The following GATM variants were observed in gnomAD, a reference collection of about 807,000 sequenced individuals.
The protein encoded by GATM is glycine amidinotransferase, mitochondrial.
In GATM, 23 loss-of-function variants were observed where a neutral mutation model predicts 54.2. That is an observed-to-expected ratio of 0.42 (90% CI 0.31 to 0.60). The LOEUF (loss-of-function observed/expected upper bound fraction) is 0.60. Ranked by LOEUF, GATM falls within the 20% of genes least tolerant of loss-of-function variation. The probability of loss-of-function intolerance (pLI) is 0.14; values close to 1 mark genes in which losing one functional copy is unlikely to be tolerated. For synonymous variants in GATM, 168 were observed against 183.1 expected, an observed-to-expected ratio of 0.92 and a Z score of 0.67; for missense variants, 401 against 544.9, an observed-to-expected ratio of 0.74 and a Z score of 2.63.
intron 4 of GATM, 128 bp from the exon 5 acceptor site, chr15:45,366,636 A>C (rs1889453398): frequency 2.0e-6 from 2 of 1,023,466 alleles, no homozygotes; most frequent in Non-Finnish European, 2.9e-6. Context: ...TCTAGACTAA[A>C]ACATGCCTGG....
Position 45,362,201 on chromosome 15 carries a change from T to G in GATM, c.1180A>C (p.Asn394His). ...CCCAGGGAATTGGCATTACGAATGTTAACTTTAATGGTAGTGATACCTGCA... is the reference window on the plus strand; with the variant it reads ...CCCAGGGAATTGGCATTACGAATGTGAACTTTAATGGTAGTGATACCTGCA... ...EKLGITTIKV[N>H]IRNANSLGGG... Residue 394 changes from asparagine (N) to histidine (H), a missense_variant, in exon 9 of 9, where the codon AAC becomes CAC. Physicochemically the swap from Asn to His is moderately conservative, Grantham distance 68 (BLOSUM62 1). This residue lies in a region of GATM where 321 missense variants were observed against 457.5 expected (regional missense o/e 0.70). Coordinates refer to ENST00000396659, the MANE Select transcript of GATM (RefSeq NM_001482.3). The G allele has an allele frequency of 6.2e-7, 1 of 1,611,040 alleles. No homozygotes were observed. Among genetic ancestry groups the G allele is most frequent in the Non-Finnish European group, 8.5e-7 (1 of 1,177,252 alleles).
chr15:45,365,357 T>C (rs1188070099), intron 6 of GATM, among the ~76,000 whole-genome samples: 1 of 152,198 alleles, frequency 6.6e-6, no homozygotes, highest in Non-Finnish European at 1.5e-5. Context: ...CGTCCCTGTG[T>C]TCACATACCC....
In GATM at chr15:45,368,047, C is replaced by T. The variant is rs377171332; in HGVS notation, c.675+23G>A. On this transcript the variant is annotated intron_variant, in intron 4 of 8. Coordinates refer to ENST00000396659, the MANE Select transcript of GATM (RefSeq NM_001482.3). This position sits in a 1 kb window ranked among gnomAD's most constrained non-coding sequence, Gnocchi z 5.1. The stretch of plus-strand genomic sequence containing the variant: ...ATCATTTAGAAAAGTTAGTAATAAG[C>T]TAGCCTATAATTAGGGACTCACCTG... 2 of 1,606,302 alleles carry T rather than the reference C, an allele frequency of 1.2e-6. No homozygotes were observed. The highest frequency in any genetic ancestry group is 1.7e-6 in the Non-Finnish European group (2 of 1,173,292).
At position 45,399,433 on chromosome 15, in the gene GATM, T is replaced by G. The variant is rs559794939; in HGVS notation, c.-480+113A>C. ...TTGGGAGGTGATTAGGTCACGAGAG[T>G]GGAGCCCTCATGAATGGGATTAGTG... On this transcript the variant is annotated intron_variant, in intron 2 of 4. Transcript: ENST00000561148. 4.8e-4 allele frequency: 73 copies of G among 152,030 alleles called. 1 individual carries two copies. The highest frequency in any genetic ancestry group is 1.7e-3 in the African/African-American group (70 of 41,436). 9.4% of individuals were successfully genotyped at this position (152,030 alleles called of 1,614,324 possible). A position where few individuals can be genotyped will look rare whatever the true frequency, so the allele number is the denominator to read the frequency against.
At chr15:45,399,550 C>A in exon 2 of GATM, 2 of 155,284 alleles carry the variant, frequency 1.3e-5, no homozygotes, top group South Asian at 3.8e-4. Context: ...CCTTACCAGT[C>A]ATGGAATCTG....
chr15:45,363,594 T>A (rs960743201), intron 8 of GATM: 2 of 484,352 alleles, frequency 4.1e-6, no homozygotes, highest in African/African-American at 3.9e-5. Flanking sequence ...CTGAACAAGC[T>A]ATCTGCTCAC....
At chr15:45,396,008 AT>A (rs1326812916) in intron 3 of GATM, among the ~76,000 whole-genome samples, 4 of 152,204 alleles carry the variant, frequency 2.6e-5, no homozygotes, top group African/African-American at 9.7e-5. Context: ...AGCAAGACTC[AT>A]TTTCTGTCCT....
upstream of GATM, among the ~76,000 whole-genome samples, chr15:45,381,668 TAC>T (rs1037638682): frequency 6.6e-6 from 1 of 152,204 alleles, no homozygotes; most frequent in African/African-American, 2.4e-5. Context: ...CACACACATA[TAC>T]ACACAGATAC....
intron 7 of GATM, 199 bp from the exon 8 acceptor site, chr15:45,364,215 C>A (rs914833029): frequency 8.6e-6 from 5 of 579,778 alleles, no homozygotes; most frequent in African/African-American, 1.9e-5. Context: ...TGAATTTCAC[C>A]CTGTTTTCTT....
intron 1 of GATM, chr15:45,377,567 C>T: frequency 3.4e-6 from 1 of 297,490 alleles, no homozygotes; most frequent in South Asian, 3.1e-5. Flanking sequence ...CAGGGAGGGT[C>T]CCTCAACCCC....
Position 45,398,794 on chromosome 15 carries a change from A to G in GATM, c.-480+752T>C, listed in dbSNP as rs536959779. ...CATAACACAAAAATGGAAATGCTGG[A>G]AAGATTAACATTATTTAATCTACAG... On this transcript the variant is annotated intron_variant, in intron 2 of 4. Coordinates refer to the GATM transcript ENST00000561148. Among the ~76,000 whole-genome samples, 4 of 152,362 alleles carry G rather than the reference A, an allele frequency of 2.6e-5. No homozygotes were observed. The East Asian group carries it at 5.8e-4, about 22-fold the overall frequency.
Position 45,378,516 on chromosome 15 carries a change from C to T in GATM, c.-63G>A, listed in dbSNP as rs2140661311. The T allele has an allele frequency of 3.1e-6, 4 of 1,280,164 alleles. No individual in the cohort carries two copies. Among genetic ancestry groups the T allele is most frequent in the Non-Finnish European group, 4.0e-6 (4 of 1,003,268 alleles). The allele number at this position is 1,280,164 out of a possible 1,614,324, so 79.3% of individuals were successfully genotyped here. On this transcript the variant is annotated 5_prime_UTR_variant, in exon 1 of 9. Transcript: ENST00000396659. ...GGCCTCTGGGCCGCGTCGGTCCAAG[C>T]CTTCCCGAGAGCGCGCCCGGAGCGG...
rs1290268032 is a variant in GATM at position 45,378,470 on chromosome 15, G to A, written c.-17C>T. On this transcript the variant is annotated 5_prime_UTR_variant, in exon 1 of 9. Transcript: ENST00000396659. ...CCGCAGCATCGCCCTGGCCCGGCTG[G>A]TCCACGCGCGGAATGTTCCTGGCCT... 1.4e-6 allele frequency: 2 copies of A among 1,428,708 alleles called. No individual in the cohort carries two copies. Among genetic ancestry groups the A allele is most frequent in the Non-Finnish European group, 1.8e-6 (2 of 1,097,296 alleles). The allele number at this position is 1,428,708 out of a possible 1,614,324, so 88.5% of individuals were successfully genotyped here. A position where few individuals can be genotyped will look rare whatever the true frequency, so the allele number is the denominator to read the frequency against.
chr15:45,392,336 C>G (rs1566846268), intron 3 of GATM, among the ~76,000 whole-genome samples: 1 of 152,218 alleles, frequency 6.6e-6, no homozygotes, highest in African/African-American at 2.4e-5. Flanking sequence ...GACTACAACA[C>G]TCTTGTGGAA....
At position 45,363,954 on chromosome 15, in the gene GATM, G is replaced by A. The variant is rs768118194; in HGVS notation, c.1105C>T (p.Arg369Cys). Residue 369 changes from arginine (R) to cysteine (C), a missense_variant, in exon 8 of 9, where the codon CGT becomes TGT. Coordinates refer to ENST00000396659, the MANE Select transcript of GATM (RefSeq NM_001482.3). ...SMNVLMLDEKRVMVDANEVPI... is the reference protein window; with the variant it reads ...SMNVLMLDEKCVMVDANEVPI... The stretch of plus-strand genomic sequence containing the variant: ...ACTTCATTGGCATCCACCATAACAC[G>A]TTTTTCATCTAGCATTAAGACATTC... The A allele has an allele frequency of 7.4e-6, 12 of 1,613,462 alleles. No individual in the cohort carries two copies. Among genetic ancestry groups the A allele is most frequent in the South Asian group, 3.3e-5 (3 of 91,052 alleles).
At chr15:45,394,577 G>A (rs1396074009) in intron 3 of GATM, among the ~76,000 whole-genome samples, 2 of 152,188 alleles carry the variant, frequency 1.3e-5, no homozygotes, top group South Asian at 2.1e-4. Context: ...GCACCAGGCG[G>A]GTCAGGCACT....
intron 3 of GATM, among the ~76,000 whole-genome samples, chr15:45,387,042 A>G (rs1889810675): frequency 6.6e-6 from 1 of 152,246 alleles, no homozygotes; most frequent in Admixed American, 6.5e-5. Context: ...AAGACTATAT[A>G]TTGCAAAGGC....
upstream of GATM, chr15:45,378,845 C>G (rs1339123365): frequency 9.6e-6 from 2 of 207,986 alleles, no homozygotes; most frequent in African/African-American, 4.7e-5. Flanking sequence ...TGACAATGGT[C>G]TATGCATATA....
At chr15:45,377,226 A>C (rs541295601) in intron 1 of GATM, 3 of 490,532 alleles carry the variant, frequency 6.1e-6, no homozygotes, top group African/African-American at 3.9e-5. Context: ...CTGGGGACGG[A>C]ACCTCCTTTT....
Sources: gnomAD v4.1 joint callset for allele counts (sites outside exome capture counted in the v4.1 genomes callset) on GRCh38, gnomAD v4.1.1 for gene constraint, gnomAD v4.1.1 regional missense constraint, Gnocchi (gnomAD v3.1) non-coding constraint, MANE v1.5 for transcripts, NCBI Gene and HGNC (gene_info 2026-07-23, HGNC 2026-07-21) for gene names.